The following ATP8A2 variants were observed in gnomAD, a reference collection of about 807,000 sequenced individuals.
ATP8A2 encodes ATPase phospholipid transporting 8A2.
Under a neutral mutation model 165.6 loss-of-function variants are expected in ATP8A2, and 100 were observed. That is an observed-to-expected ratio of 0.60 (90% CI 0.51 to 0.71). The LOEUF (loss-of-function observed/expected upper bound fraction) is 0.71. Ranked by LOEUF, ATP8A2 falls within the 30% of genes least tolerant of loss-of-function variation. The pLI is 0.00. For synonymous variants in ATP8A2, 543 were observed against 548.8 expected, an observed-to-expected ratio of 0.99 and a Z score of 0.15; for missense variants, 1,227 against 1,479.5, an observed-to-expected ratio of 0.83 and a Z score of 2.80.
At chr13:25,384,871 G>A (rs770471181) in intron 1 of ATP8A2, among the ~76,000 whole-genome samples, 15 of 152,162 alleles carry the variant, frequency 9.9e-5, no homozygotes, top group Admixed American at 2.6e-4. Flanking sequence ...GCAGTCGGGA[G>A]TCCCAGGAGG....
chr13:25,876,201 G>A (rs968950377), intron 33 of ATP8A2, among the ~76,000 whole-genome samples: 1 of 152,164 alleles, frequency 6.6e-6, no homozygotes, highest in African/African-American at 2.4e-5. Context: ...TCCAAGGCCC[G>A]CTGCCTTGGA....
intron 27 of ATP8A2, among the ~76,000 whole-genome samples, chr13:25,800,098 A>G (rs1188277415): frequency 6.6e-6 from 1 of 152,230 alleles, no homozygotes; most frequent in African/African-American, 2.4e-5. Flanking sequence ...CCAACTCCTA[A>G]GTCCCTGTTA....
chr13:25,528,310 A>T (rs1038609321), intron 2 of ATP8A2, among the ~76,000 whole-genome samples: 1 of 152,218 alleles, frequency 6.6e-6, no homozygotes, highest in Non-Finnish European at 1.5e-5. Context: ...ATAACATCAC[A>T]TACATTTTTA....
Position 25,578,811 on chromosome 13 carries a change from A to G in ATP8A2, c.1783-4A>G, listed in dbSNP as rs760995239. 1 of 1,529,858 alleles carries G rather than the reference A, an allele frequency of 6.5e-7. No individual in the cohort carries two copies. Among genetic ancestry groups the G allele is most frequent in the Admixed American group, 1.7e-5 (1 of 59,926 alleles). 94.8% of individuals were successfully genotyped at this position (1,529,858 alleles called of 1,614,324 possible). ...GCCAGTCACAATGTTTCCCTATTTT[A>G]TAGGATAATGTGATTTTTGAGAGAC... On this transcript the variant is annotated splice_polypyrimidine_tract_variant and splice_region_variant and intron_variant, in intron 20 of 36. Coordinates refer to ENST00000381655, the MANE Select transcript of ATP8A2 (RefSeq NM_016529.6).
chr13:25,844,755 G>A (rs747789093), intron 30 of ATP8A2, among the ~76,000 whole-genome samples: 34 of 152,164 alleles, frequency 2.2e-4, no homozygotes, highest in Non-Finnish European at 2.8e-4. Context: ...TTGTTTGACC[G>A]GGGGCTGAAG....
intron 25 of ATP8A2, among the ~76,000 whole-genome samples, chr13:25,731,242 G>GAGAGGA (rs796112511): frequency 1.4e-5 from 2 of 140,268 alleles, no homozygotes; most frequent in African/African-American, 5.8e-5. Flanking sequence ...AAGAGAGAGA[G>GAGAGGA]AGGAAGGAAG....
At chr13:25,561,233 G>A (rs915516835) in intron 15 of ATP8A2, among the ~76,000 whole-genome samples, 7 of 152,116 alleles carry the variant, frequency 4.6e-5, no homozygotes, top group African/African-American at 1.7e-4. Context: ...ATTCTCAGAA[G>A]TGTCTTTGTA....
At chr13:25,856,707 C>T (rs1952176126) in intron 30 of ATP8A2, among the ~76,000 whole-genome samples, 1 of 152,170 alleles carries the variant, frequency 6.6e-6, no homozygotes, top group African/African-American at 2.4e-5. Context: ...ATTTTCATCA[C>T]CCCAAACTGA....
chr13:25,475,458 G>A (rs1007791653), intron 2 of ATP8A2, among the ~76,000 whole-genome samples: 2 of 152,170 alleles, frequency 1.3e-5, no homozygotes, highest in African/African-American at 4.8e-5. Flanking sequence ...TTGCTATTGT[G>A]AATAGTGCTT....
chr13:25,564,656 C>T (rs925580090), intron 16 of ATP8A2, among the ~76,000 whole-genome samples: 2 of 152,134 alleles, frequency 1.3e-5, no homozygotes, highest in Non-Finnish European at 2.9e-5. Flanking sequence ...ACTGCAGAAT[C>T]ACATCAATTC....
chr13:25,601,480 T>A (rs2040385018), intron 24 of ATP8A2, among the ~76,000 whole-genome samples: 1 of 152,238 alleles, frequency 6.6e-6, no homozygotes, highest in Non-Finnish European at 1.5e-5. Flanking sequence ...TTTTGTTGTT[T>A]GTGTTGTTTT....
At chr13:25,840,581 C>T (rs1593431923) in intron 30 of ATP8A2, among the ~76,000 whole-genome samples, 1 of 152,164 alleles carries the variant, frequency 6.6e-6, no homozygotes, top group African/African-American at 2.4e-5. Context: ...TCAGAGAATA[C>T]AATTTTATGC....
intron 35 of ATP8A2, among the ~76,000 whole-genome samples, chr13:25,994,068 G>GCCT (rs1664880177): frequency 6.6e-6 from 1 of 151,886 alleles, no homozygotes; most frequent in Non-Finnish European, 1.5e-5. Context: ...CTCTGTTTGC[G>GCCT]CCTCAGTATT....
intron 25 of ATP8A2, 66 bp downstream of exon 25, chr13:25,699,411 GA>G: frequency 3.3e-6 from 4 of 1,208,540 alleles, no homozygotes; most frequent in Non-Finnish European, 4.4e-6. Context: ...TTATACAAAA[GA>G]AAGGGATGCA....
At chr13:25,973,382 A>G (rs1159866069) in intron 35 of ATP8A2, among the ~76,000 whole-genome samples, 1 of 152,080 alleles carries the variant, frequency 6.6e-6, no homozygotes, top group Admixed American at 6.5e-5. Context: ...CTTCCATTTC[A>G]TCCAGGCTGC....
chr13:25,921,496 A>T (rs561489241), intron 33 of ATP8A2, among the ~76,000 whole-genome samples: 7 of 151,058 alleles, frequency 4.6e-5, no homozygotes, highest in African/African-American at 1.7e-4. Flanking sequence ...GGTGGCGGGC[A>T]CCTGTAGTCC....
chr13:25,543,515 A>C (rs2038549379), intron 10 of ATP8A2, 113 bp downstream of exon 10: 1 of 652,622 alleles, frequency 1.5e-6, no homozygotes, highest in Non-Finnish European at 2.6e-6. Context: ...TATGAACCTA[A>C]ATTTGGAAAG....
intron 35 of ATP8A2, among the ~76,000 whole-genome samples, chr13:25,977,211 T>A (rs768954420): frequency 1.1e-4 from 17 of 151,774 alleles, no homozygotes; most frequent in Non-Finnish European, 2.1e-4. Flanking sequence ...TATGAAAAAA[T>A]TAATTGAATG....
chr13:25,679,894 G>A (rs2042448762), intron 24 of ATP8A2, among the ~76,000 whole-genome samples: 1 of 152,102 alleles, frequency 6.6e-6, no homozygotes, highest in South Asian at 2.1e-4. Flanking sequence ...GAGGTCAAGG[G>A]GATTAAGACA....
Sources: allele counts gnomAD v4.1 joint callset (sites outside exome capture counted in the v4.1 genomes callset), GRCh38; gene constraint gnomAD v4.1.1; transcripts MANE v1.5; gene names NCBI Gene and HGNC (gene_info 2026-07-23, HGNC 2026-07-21).